CTNND2: variants seen among roughly 807,000 people sequenced by gnomAD.
CTNND2 encodes catenin delta 2.
CTNND2 carries 22 observed loss-of-function variants against 144.4 expected under a neutral mutation model. The ratio of observed to expected loss-of-function variants is 0.15; its 90% CI spans 0.11 to 0.22. CTNND2 has a LOEUF of 0.22. CTNND2 is among the 10% of genes least tolerant of loss of function. The pLI, the probability that CTNND2 is intolerant of heterozygous loss-of-function variation, is 1.00. For synonymous variants in CTNND2, 751 were observed against 695.6 expected (o/e 1.08, Z -1.25); for missense variants, 1,353 against 1,618.8 (o/e 0.84, Z 2.82).
At chr5:11,849,146 A>G (rs1052059507) in intron 1 of CTNND2, among the ~76,000 whole-genome samples, 8 of 152,156 alleles carry the variant, frequency 5.3e-5, no homozygotes, top group Admixed American at 3.9e-4. Flanking sequence ...ATCATGGCAG[A>G]TGACAAAAGG....
chr5:11,052,965 C>T (rs1745993050), intron 16 of CTNND2, among the ~76,000 whole-genome samples: 2 of 152,014 alleles, frequency 1.3e-5, no homozygotes. Flanking sequence ...TGTATTAGAA[C>T]AAATAAGACT....
chr5:11,771,192 C>CCTTTTTT (rs1789911767), intron 1 of CTNND2, among the ~76,000 whole-genome samples: 1 of 103,764 alleles, frequency 9.6e-6, no homozygotes, highest in African/African-American at 3.7e-5. Context: ...ACATTGTTAG[C>CCTTTTTT]TTTTTTTTTT....
At chr5:11,349,039 C>A (rs763816857) in intron 8 of CTNND2, among the ~76,000 whole-genome samples, 6 of 152,070 alleles carry the variant, frequency 3.9e-5, no homozygotes, top group Non-Finnish European at 5.9e-5. Flanking sequence ...CCTGTCCTGG[C>A]CTTTTGGTCA....
rs1197887467 is a variant in CTNND2 at position 11,710,539 on chromosome 5, C to CAA, written c.174+21595_174+21596dup. Reference sequence around the variant, plus strand: ...CTGGGCCAAAGGCGAGACTCCATCTCAAAAAAAAAAAAAAAAAAGACAGAA... The same window carrying CAA: ...CTGGGCCAAAGGCGAGACTCCATCTCAAAAAAAAAAAAAAAAAAAAGACAGAA... On this transcript the variant is annotated intron_variant, in intron 2 of 21. Transcript: ENST00000304623. Among the ~76,000 whole-genome samples, 95 of 68,736 alleles carry CAA rather than the reference C, an allele frequency of 1.4e-3. 1 individual carries two copies. The highest frequency in any genetic ancestry group is 0.012 in the Middle Eastern group (1 of 82). 45.1% of individuals were successfully genotyped at this position (68,736 alleles called of 152,430 possible). A position where few individuals can be genotyped will look rare whatever the true frequency, so the allele number is the denominator to read the frequency against.
intron 2 of CTNND2, among the ~76,000 whole-genome samples, chr5:11,691,970 T>C (rs960702020): frequency 6.6e-6 from 1 of 152,244 alleles, no homozygotes; most frequent in African/African-American, 2.4e-5. Context: ...TCATATTCTA[T>C]GTTAACATTT....
At chr5:11,117,655 G>C in intron 12 of CTNND2, 88 bp from the exon 13 acceptor site, 2 of 1,025,794 alleles carry the variant, frequency 1.9e-6, no homozygotes, top group Non-Finnish European at 3.0e-6. Context: ...TAGTTTGAAA[G>C]TAAATGCATT....
At chr5:11,737,262 G>A (rs539135402) in intron 1 of CTNND2, among the ~76,000 whole-genome samples, 4 of 152,152 alleles carry the variant, frequency 2.6e-5, no homozygotes, top group Non-Finnish European at 4.4e-5. Flanking sequence ...TTGCCAACCT[G>A]ATATAGAAAA....
chr5:11,493,496 A>G (rs1769647753), intron 3 of CTNND2, among the ~76,000 whole-genome samples: 1 of 152,208 alleles, frequency 6.6e-6, no homozygotes, highest in Non-Finnish European at 1.5e-5. Flanking sequence ...GAATTAACTT[A>G]ATGTTTAAAT....
At chr5:11,209,240 G>T (rs1738367045) in intron 10 of CTNND2, among the ~76,000 whole-genome samples, 1 of 152,108 alleles carries the variant, frequency 6.6e-6, no homozygotes, top group Non-Finnish European at 1.5e-5. Flanking sequence ...GCAATAAAAA[G>T]TAAGACTATT....
chr5:11,871,674 T>G (rs948989251), intron 1 of CTNND2, among the ~76,000 whole-genome samples: 8 of 152,212 alleles, frequency 5.3e-5, no homozygotes, highest in Admixed American at 1.3e-4. Context: ...TCTAGAGATT[T>G]TATTTTTGTC....
At chr5:11,388,175 T>G (rs1004708847) in intron 6 of CTNND2, among the ~76,000 whole-genome samples, 19 of 152,232 alleles carry the variant, frequency 1.2e-4, no homozygotes, top group African/African-American at 4.1e-4. Flanking sequence ...CTGTTTAACA[T>G]AGTAAGTGGT....
chr5:11,900,299 C>T (rs866555948), intron 1 of CTNND2, among the ~76,000 whole-genome samples: 4 of 152,178 alleles, frequency 2.6e-5, no homozygotes, highest in Non-Finnish European at 1.5e-5. Flanking sequence ...TGGAATTGCA[C>T]TTAACTGCTA....
intron 1 of CTNND2, among the ~76,000 whole-genome samples, chr5:11,813,169 A>G (rs1300447766): frequency 6.6e-6 from 1 of 152,182 alleles, no homozygotes; most frequent in African/African-American, 2.4e-5. Context: ...TTGTGTTACA[A>G]TTGCCTACAG....
chr5:11,414,406 T>C (rs1364659740), intron 3 of CTNND2, among the ~76,000 whole-genome samples: 1 of 152,220 alleles, frequency 6.6e-6, no homozygotes, highest in Non-Finnish European at 1.5e-5. Flanking sequence ...TCTATACTCC[T>C]ACATTCCTTC....
At chr5:11,613,427 A>G (rs1780429210) in intron 2 of CTNND2, among the ~76,000 whole-genome samples, 2 of 152,256 alleles carry the variant, frequency 1.3e-5, no homozygotes, top group Non-Finnish European at 2.9e-5. Context: ...CAAAATGATA[A>G]GAGAAAAATG....
intron 3 of CTNND2, among the ~76,000 whole-genome samples, chr5:11,462,952 A>G (rs777737098): frequency 2.0e-5 from 3 of 152,144 alleles, no homozygotes; most frequent in African/African-American, 7.2e-5. Flanking sequence ...CAGACTCCTC[A>G]GTCTTCATAT....
intron 3 of CTNND2, among the ~76,000 whole-genome samples, chr5:11,424,825 G>T (rs993854074): frequency 1.3e-5 from 2 of 152,034 alleles, no homozygotes; most frequent in Non-Finnish European, 2.9e-5. Context: ...AGAAAGAAAA[G>T]AAGGAAGGAA....
At chr5:11,721,578 G>A (rs1786683335) in intron 2 of CTNND2, among the ~76,000 whole-genome samples, 1 of 152,182 alleles carries the variant, frequency 6.6e-6, no homozygotes, top group Non-Finnish European at 1.5e-5. Flanking sequence ...ATATCAATGA[G>A]GACAGATGGC....
At chr5:11,241,808 G>T (rs1157341440) in intron 9 of CTNND2, among the ~76,000 whole-genome samples, 1 of 152,170 alleles carries the variant, frequency 6.6e-6, no homozygotes, top group African/African-American at 2.4e-5. Context: ...GTATAGTATG[G>T]TTTCTTCACA....
Sources: allele counts gnomAD v4.1 joint callset (sites outside exome capture counted in the v4.1 genomes callset), GRCh38; gene constraint gnomAD v4.1.1; transcripts MANE v1.5; gene names NCBI Gene and HGNC (gene_info 2026-07-23, HGNC 2026-07-21).